The following TXNRD3 variants were observed in gnomAD, a reference collection of about 807,000 sequenced individuals.
TXNRD3 encodes thioredoxin reductase 3.
A neutral mutation model predicts 78.2 loss-of-function variants in TXNRD3; 68 were observed. The ratio of observed to expected loss-of-function variants is 0.87; its 90% CI spans 0.72 to 1.06. The LOEUF (loss-of-function observed/expected upper bound fraction) is 1.06. Ranked by LOEUF, TXNRD3 falls within the 50% of genes least tolerant of loss-of-function variation. TXNRD3 has a pLI of 0.00. For synonymous variants in TXNRD3, 296 were observed against 300.1 expected (o/e 0.99, Z 0.14); for missense variants, 751 against 809.5 (o/e 0.93, Z 0.88).
intron 3 of TXNRD3, 38 bp from the exon 4 acceptor site, chr3:126,644,439 T>C: frequency 6.9e-7 from 1 of 1,440,762 alleles, no homozygotes. Flanking sequence ...ACTGCAGAAT[T>C]TAAAGTTTTA....
intron 7 of TXNRD3, 57 bp downstream of exon 7, chr3:126,633,852 C>A: frequency 7.3e-7 from 1 of 1,365,756 alleles, no homozygotes; most frequent in Non-Finnish European, 9.5e-7. Flanking sequence ...TAGTTGAAGG[C>A]AAGTATAAAC....
chr3:126,618,754 A>G (rs1174042316), intron 12 of TXNRD3, among the ~76,000 whole-genome samples: 2 of 152,020 alleles, frequency 1.3e-5, no homozygotes, highest in African/African-American at 4.8e-5. Context: ...AGCAAAGGAA[A>G]CAATCAACAG....
chr3:126,633,083 G>A (rs2107619882), intron 7 of TXNRD3, among the ~76,000 whole-genome samples: 1 of 152,092 alleles, frequency 6.6e-6, no homozygotes, highest in East Asian at 1.9e-4. Context: ...ATTTTTTTAG[G>A]GGTGAAATAT....
intron 1 of TXNRD3, among the ~76,000 whole-genome samples, chr3:126,653,214 G>C (rs186837606): frequency 6.6e-6 from 1 of 152,210 alleles, no homozygotes; most frequent in Non-Finnish European, 1.5e-5. Context: ...TATTTCTATC[G>C]ATTAGCCTAC....
rs1438909174 is a variant in TXNRD3, at chr3:126,615,455, T to G, written c.1532A>C (p.Tyr511Ser). ...AAACACTGTAGTCGGAACATTAATA[T>G]AATCACACTGAAAGACAAACAAATT... The change falls in exon 13 of 16, where the codon TAT becomes TCT. Residue 511 changes from tyrosine to serine, a missense_variant. By Grantham distance (144) the Tyr-to-Ser change is moderately radical. Transcript: ENST00000524230. 15 of 1,474,552 alleles carry G rather than the reference T, an allele frequency of 1.0e-5. No individual in the cohort carries two copies. The highest frequency in any genetic ancestry group is 1.3e-5 in the Non-Finnish European group (15 of 1,112,684). 91.3% of individuals were successfully genotyped at this position (1,474,552 alleles called of 1,614,324 possible).
intron 6 of TXNRD3, among the ~76,000 whole-genome samples, chr3:126,641,619 T>C (rs147719484): frequency 1.7e-3 from 264 of 152,364 alleles, no homozygotes; most frequent in African/African-American, 6.1e-3. Context: ...TCCCCAGAGC[T>C]TAGCCAATAC....
At position 126,608,000 on chromosome 3, in the gene TXNRD3, A is replaced by G. The variant is rs1007136637; in HGVS notation, c.1864-27T>C. On this transcript the variant is annotated intron_variant, in intron 15 of 15. Transcript: ENST00000524230. The stretch of plus-strand genomic sequence containing the variant: ...TGTTCAAGAGAAAGAAAACAAATAC[A>G]TATTTAGATGTTAGTATTGTTTTAA... The G allele has an allele frequency of 2.8e-6, 4 of 1,446,758 alleles. No individual in the cohort carries two copies. The African/African-American group carries it at 5.6e-5, about 20-fold the overall frequency. The allele number at this position is 1,446,758 out of a possible 1,614,324, so 89.6% of individuals were successfully genotyped here.
At chr3:126,619,379 AAAG>A (rs1258137982) in intron 12 of TXNRD3, among the ~76,000 whole-genome samples, 1 of 152,236 alleles carries the variant, frequency 6.6e-6, no homozygotes, top group Non-Finnish European at 1.5e-5. Context: ...ATTCAGCCAT[AAAG>A]AAGAATAAAA....
At chr3:126,609,926 A>G (rs550628586) in intron 14 of TXNRD3, among the ~76,000 whole-genome samples, 1 of 152,310 alleles carries the variant, frequency 6.6e-6, no homozygotes, top group Non-Finnish European at 1.5e-5. Flanking sequence ...GGCCGCCCAC[A>G]ACTGCCAAAA....
intron 10 of TXNRD3, among the ~76,000 whole-genome samples, chr3:126,624,443 T>C (rs1938530971): frequency 6.6e-6 from 1 of 151,140 alleles, no homozygotes; most frequent in Non-Finnish European, 1.5e-5. Flanking sequence ...TTTTTTGAGA[T>C]GGAGTCTTGC....
At position 126,654,844 on chromosome 3, in the gene TXNRD3, G is replaced by T; in HGVS notation, c.147C>A (p.Ser49=). 1 of 1,370,830 alleles carries T rather than the reference G, an allele frequency of 7.3e-7. No homozygotes were observed. Among genetic ancestry groups the T allele is most frequent in the Non-Finnish European group, 9.4e-7 (1 of 1,067,340 alleles). 84.9% of individuals were successfully genotyped at this position (1,370,830 alleles called of 1,614,324 possible). A position where few individuals can be genotyped will look rare whatever the true frequency, so the allele number is the denominator to read the frequency against. ...GGCGGCGCAGCTCCTCGCGGGCCTC[G>T]GACGAGCGGCTGGGCCCGGGGGACG... Residue 49 remains serine, a synonymous_variant, in exon 1 of 16, where the codon TCC becomes TCA. Coordinates refer to ENST00000524230, the MANE Select transcript of TXNRD3 (RefSeq NM_052883.3).
At position 126,646,084 on chromosome 3, in the gene TXNRD3, T is replaced by C. The variant is rs986733718; in HGVS notation, c.414+27A>G. Reference sequence around the variant, plus strand: ...TTTTTTAAAATATGAACAAACAGCATTGAAGAACATATAATAGTATTATTA... The same window carrying C: ...TTTTTTAAAATATGAACAAACAGCACTGAAGAACATATAATAGTATTATTA... On this transcript the variant is annotated intron_variant, in intron 3 of 15. Transcript: ENST00000524230. 5.5e-6 allele frequency: 8 copies of C among 1,463,710 alleles called. No individual in the cohort carries two copies. In the African/African-American group the frequency reaches 1.0e-4, roughly 18 times the overall value. The allele number at this position is 1,463,710 out of a possible 1,614,324, so 90.7% of individuals were successfully genotyped here.
chr3:126,630,615 T>C, intron 9 of TXNRD3, 97 bp downstream of exon 9: 13 of 1,275,558 alleles, frequency 1.0e-5, no homozygotes, highest in Non-Finnish European at 1.4e-5. Flanking sequence ...TGTTTTAACA[T>C]TATTTGAATA....
At chr3:126,654,357 GAAGTA>G (rs1202231031) in intron 1 of TXNRD3, among the ~76,000 whole-genome samples, 2 of 152,184 alleles carry the variant, frequency 1.3e-5, no homozygotes, top group African/African-American at 4.8e-5. Flanking sequence ...GTTTCTAAGT[GAAGTA>G]TTCTTAAACA....
At chr3:126,634,373 G>A (rs1489153914) in intron 6 of TXNRD3, among the ~76,000 whole-genome samples, 5 of 152,136 alleles carry the variant, frequency 3.3e-5, no homozygotes, top group Admixed American at 2.6e-4. Context: ...GCACCTCCTA[G>A]AACCCTTTCC....
intron 12 of TXNRD3, among the ~76,000 whole-genome samples, chr3:126,616,649 T>C (rs915955110): frequency 1.3e-5 from 2 of 152,120 alleles, no homozygotes; most frequent in African/African-American, 4.8e-5. Context: ...GGCCCAGCCC[T>C]AGTATAGTTC....
chr3:126,618,129 TA>T (rs1349680308), intron 12 of TXNRD3, among the ~76,000 whole-genome samples: 2 of 152,156 alleles, frequency 1.3e-5, no homozygotes, highest in Non-Finnish European at 2.9e-5. Flanking sequence ...TTAATATTGT[TA>T]AAATGACCAC....
intron 14 of TXNRD3, chr3:126,609,125 C>A: frequency 2.3e-6 from 1 of 442,374 alleles, no homozygotes; most frequent in South Asian, 1.6e-5. Flanking sequence ...GGGGTGCAGG[C>A]AATGAGCTGA....
chr3:126,650,039 C>G (rs1438344462), intron 1 of TXNRD3, among the ~76,000 whole-genome samples: 1 of 152,118 alleles, frequency 6.6e-6, no homozygotes, highest in Non-Finnish European at 1.5e-5. Flanking sequence ...TTTAAAAAAG[C>G]AAAAGCAAAC....
Sources: gnomAD v4.1 joint callset for allele counts (sites outside exome capture counted in the v4.1 genomes callset) on GRCh38, gnomAD v4.1.1 for gene constraint, MANE v1.5 for transcripts, NCBI Gene and HGNC (gene_info 2026-07-23, HGNC 2026-07-21) for gene names.